NOC2L: variants seen among roughly 807,000 people sequenced by gnomAD.
NOC2L encodes the protein NOC2 like nucleolar associated transcriptional repressor, also known as nucleolar complex protein 2 homolog.
Under a neutral mutation model 94.2 loss-of-function variants are expected in NOC2L, and 101 were observed. The observed-to-expected ratio is 1.07, with a 90% CI of 0.91 to 1.26. NOC2L has a LOEUF of 1.26. NOC2L is among the 50% of genes most tolerant of loss of function. The pLI is 0.00. For synonymous variants in NOC2L, 531 were observed against 413.4 expected (o/e 1.28, Z -3.45); for missense variants, 1,076 against 980.1 (o/e 1.10, Z -1.31).
intron 11 of NOC2L, among the ~76,000 whole-genome samples, 155 bp downstream of exon 11, chr1:951,845 C>T (rs1642267274): frequency 6.6e-6 from 1 of 152,230 alleles, no homozygotes; most frequent in South Asian, 2.1e-4. Context: ...AGCATCTCCC[C>T]GTAGCAGGTA....
chr1:945,312 G>C (rs1557614545), intron 17 of NOC2L, 166 bp from the exon 18 acceptor site: 1 of 1,002,248 alleles, frequency 1.0e-6, no homozygotes, highest in African/African-American at 1.6e-5. Flanking sequence ...CAGGCCTGGG[G>C]ACAGAGTTAC....
Position 956,161 on chromosome 1 carries a change from C to G in NOC2L, c.541G>C (p.Val181Leu), listed in dbSNP as rs1642395933. The change falls in exon 5 of 19, where the codon GTG becomes CTG. Residue 181 changes from valine (V) to leucine (L), a missense_variant. Physicochemically the swap from Val to Leu is conservative, Grantham distance 32 (BLOSUM62 1). Transcript: ENST00000327044. ...TCCTGGTCCCCTCGGGTGGTGGCCA[C>G]AGCTGCTCGGAACGCCTGTACCACT... ...HEVVQAFRAAVATTRGDQESA... is the reference protein window; with the variant it reads ...HEVVQAFRAALATTRGDQESA... The G allele has an allele frequency of 6.2e-7, 1 of 1,613,854 alleles. No homozygotes were observed. Among genetic ancestry groups the G allele is most frequent in the African/African-American group, 1.3e-5 (1 of 74,928 alleles).
Position 946,393 on chromosome 1 carries a change from C to T in NOC2L, c.1803+9G>A, listed in dbSNP as rs778927623. 6.8e-6 allele frequency: 11 copies of T among 1,613,428 alleles called. No individual in the cohort carries two copies. Among genetic ancestry groups the T allele is most frequent in the Non-Finnish European group, 6.8e-6 (8 of 1,180,006 alleles). The stretch of plus-strand genomic sequence containing the variant: ...CCCTCAGGTGGCACTACCCCCAGGG[C>T]CCACTAACCACTGCCTGCTGCTCAG... On this transcript the variant is annotated intron_variant, in intron 15 of 18. Coordinates refer to ENST00000327044, the MANE Select transcript of NOC2L (RefSeq NM_015658.4).
chr1:950,124 G>A (rs537854934), intron 12 of NOC2L, among the ~76,000 whole-genome samples: 1 of 151,978 alleles, frequency 6.6e-6, no homozygotes, highest in African/African-American at 2.4e-5. Flanking sequence ...ACACGTAGAC[G>A]CACGTACATG....
In NOC2L at chr1:959,034, T is replaced by G; in HGVS notation, c.74A>C (p.Asp25Ala). 6.2e-7 allele frequency: 1 copy of G among 1,611,746 alleles called. No individual in the cohort carries two copies. The highest frequency in any genetic ancestry group is 8.5e-7 in the Non-Finnish European group (1 of 1,179,428). Reference protein sequence around the residue: ...TVDEFLASGFDSESESESENS... With the variant: ...TVDEFLASGFASESESESENS... ...TTCGGACTCGGATTCGGACTCGGAGTCAAAGCCCGAAGCTAGGAACTCGTC... is the reference window on the plus strand; with the variant it reads ...TTCGGACTCGGATTCGGACTCGGAGGCAAAGCCCGAAGCTAGGAACTCGTC... Residue 25 changes from aspartate to alanine, a missense_variant, in exon 2 of 19, where the codon GAC becomes GCC. Physicochemically the swap from Asp to Ala is moderately radical, Grantham distance 126 (BLOSUM62 -2). This residue lies in a region of NOC2L where 457 missense variants were observed against 386.0 expected (regional missense o/e 1.18). Transcript: ENST00000327044.
chr1:946,368 C>T (rs147058212), intron 15 of NOC2L, 34 bp downstream of exon 15: 12 of 1,613,270 alleles, frequency 7.4e-6, no homozygotes, highest in Non-Finnish European at 1.0e-5. Flanking sequence ...CTGGCAGGTG[C>T]CCTCAGGTGG....
At position 953,866 on chromosome 1, in the gene NOC2L, C is replaced by T. The variant is rs754350344; in HGVS notation, c.804G>A (p.Thr268=). The T allele has an allele frequency of 2.7e-5, 44 of 1,613,082 alleles. No individual in the cohort carries two copies. The highest frequency in any genetic ancestry group is 6.7e-5 in the African/African-American group (5 of 74,940). Reference sequence around the variant, plus strand: ...TGTGCCGCAGCACGGCCGCCAACACCGTCGTCTCCGACAGACAGGACACCA... The same window carrying T: ...TGTGCCGCAGCACGGCCGCCAACACTGTCGTCTCCGACAGACAGGACACCA... ...IQLVSCLSET[T]VLAAVLRHIS... is the part of the protein sequence containing the mutation. The change falls in exon 8 of 19, where the codon ACG becomes ACA. Residue 268 remains threonine (T), a synonymous_variant. Coordinates refer to ENST00000327044, the MANE Select transcript of NOC2L (RefSeq NM_015658.4).
intron 2 of NOC2L, chr1:957,615 A>G (rs1297058592): frequency 6.9e-6 from 2 of 291,310 alleles, no homozygotes; most frequent in Admixed American, 4.6e-5. Context: ...GGCTCAGACT[A>G]AAGGCAAATC....
chr1:953,954 C>T (rs753197830), intron 7 of NOC2L, 50 bp downstream of exon 7: 46 of 1,604,264 alleles, frequency 2.9e-5, no homozygotes, highest in East Asian at 1.1e-4. Flanking sequence ...AAAAAAGGAC[C>T]GACCACCAGA....
intron 2 of NOC2L, chr1:958,409 C>T (rs2100400278): frequency 1.2e-5 from 4 of 321,140 alleles, no homozygotes; most frequent in South Asian, 1.0e-4. Context: ...CCCACCACGC[C>T]CGGCTAATTT....
chr1:944,764 C>T lies in NOC2L; in HGVS notation c.2180G>A (p.Gly727Glu). The T allele has an allele frequency of 6.3e-7, 1 of 1,599,856 alleles. No homozygotes were observed. The highest frequency in any genetic ancestry group is 8.5e-7 in the Non-Finnish European group (1 of 1,177,756). ...DPDAEAGLAPGELQQLAQGPE... is the reference protein window; with the variant it reads ...DPDAEAGLAPEELQQLAQGPE... ...CCCCTGGGCCAGCTGCTGCAGCTCC[C>T]CAGGGGCCAGCCCCGCCTCTGCGTC... Residue 727 changes from glycine to glutamate, a missense_variant, in exon 19 of 19, where the codon GGG (glycine) becomes GAG (glutamate). Around this residue, in one of 3 missense-constraint regions of NOC2L, gnomAD observed 615 missense variants for 577.4 expected, o/e 1.07. Transcript: ENST00000327044.
chr1:946,404 C>T lies in NOC2L; in HGVS notation c.1801G>A (p.Val601Met), dbSNP rs199697037. Reference protein sequence around the residue: ...VSFGVSEQQAVEAWEKLTREE... With the variant: ...VSFGVSEQQAMEAWEKLTREE... Reference sequence around the variant, plus strand: ...CACTACCCCCAGGGCCCACTAACCACTGCCTGCTGCTCAGAGACGCCGAAG... The same window carrying T: ...CACTACCCCCAGGGCCCACTAACCATTGCCTGCTGCTCAGAGACGCCGAAG... Residue 601 changes from valine (V) to methionine (M), a missense_variant and splice_region_variant, in exon 15 of 19, where the codon GTG becomes ATG. Around this residue, in one of 3 missense-constraint regions of NOC2L, gnomAD observed 615 missense variants for 577.4 expected, o/e 1.07. Transcript: ENST00000327044. 161 of 1,613,578 alleles carry T rather than the reference C, an allele frequency of 1.0e-4. No individual in the cohort carries two copies. The East Asian group carries it at 2.8e-3, about 28-fold the overall frequency.
intron 6 of NOC2L, among the ~76,000 whole-genome samples, chr1:954,882 C>G (rs1642361173): frequency 6.6e-6 from 1 of 152,172 alleles, no homozygotes; most frequent in Non-Finnish European, 1.5e-5. Context: ...AAACATTTAC[C>G]AGAGCCCACG....
At position 946,538 on chromosome 1, in the gene NOC2L, G is replaced by C. The variant is rs35471880; in HGVS notation, c.1667C>G (p.Ser556Trp). The change falls in exon 15 of 19, where the codon TCG becomes TGG. Residue 556 changes from serine (S) to tryptophan (W), a missense_variant. Ser to Trp is a radical substitution (Grantham distance 177, BLOSUM62 -3). This residue lies in a region of NOC2L where 615 missense variants were observed against 577.4 expected (regional missense o/e 1.07). Coordinates refer to ENST00000327044, the MANE Select transcript of NOC2L (RefSeq NM_015658.4). ...GGCCACCTTGCACTCCCGGAGGAAC[G>C]ACTTCAGCTGCGGAAGGGAGGGGTC... ...LVLPVVLQLK[S>W]FLRECKVANY... 6.2e-7 allele frequency: 1 copy of C among 1,611,440 alleles called. No individual in the cohort carries two copies. Among genetic ancestry groups the C allele is most frequent in the South Asian group, 1.1e-5 (1 of 90,994 alleles).
In NOC2L at chr1:959,096, G is replaced by A. The variant is rs778699626; in HGVS notation, c.27-15C>T. 4.3e-5 allele frequency: 70 copies of A among 1,609,502 alleles called. No individual in the cohort carries two copies. Among genetic ancestry groups the A allele is most frequent in the Non-Finnish European group, 5.3e-5 (63 of 1,177,668 alleles). On this transcript the variant is annotated splice_polypyrimidine_tract_variant and intron_variant, in intron 1 of 18. Coordinates refer to ENST00000327044, the MANE Select transcript of NOC2L (RefSeq NM_015658.4). ...CCGCCAGGCGCCTGCGGGTCACGCA[G>A]GAGTCACAGCTGCCCGCACGCCCAG... is the stretch of plus-strand genomic sequence containing the variant.
chr1:949,926 A>C (rs1033155438), intron 12 of NOC2L, among the ~76,000 whole-genome samples: 11 of 152,220 alleles, frequency 7.2e-5, no homozygotes, highest in African/African-American at 2.7e-4. Flanking sequence ...CTGGGCCTTC[A>C]TGAGGCTGAG....
rs374468359 is a variant in NOC2L at position 946,582 on chromosome 1, C to G, written c.1660-37G>C. The G allele has an allele frequency of 1.2e-5, 19 of 1,599,514 alleles. No individual in the cohort carries two copies. In the African/African-American group the frequency reaches 2.4e-4, roughly 20 times the overall value. ...AGGGGTCAGCCACTGAAGCCCAGGA[C>G]CGCTCCATGTGCACAGCTGGCCCAG... On this transcript the variant is annotated intron_variant, in intron 14 of 18. Transcript: ENST00000327044.
At chr1:951,653 C>T (rs1642263687) in intron 11 of NOC2L, among the ~76,000 whole-genome samples, 1 of 152,236 alleles carries the variant, frequency 6.6e-6, no homozygotes, top group African/African-American at 2.4e-5. Flanking sequence ...GCGCTCACAC[C>T]CAAAATGCAG....
intron 8 of NOC2L, 117 bp downstream of exon 8, chr1:953,665 C>T (rs1016076514): frequency 4.4e-5 from 34 of 771,528 alleles, no homozygotes; most frequent in Non-Finnish European, 6.6e-5. Flanking sequence ...TCTAGCCAAG[C>T]GGAGCCAGTG....
Sources: gnomAD v4.1 joint callset for allele counts (sites outside exome capture counted in the v4.1 genomes callset) on GRCh38, gnomAD v4.1.1 for gene constraint, gnomAD v4.1.1 regional missense constraint, MANE v1.5 for transcripts, NCBI Gene and HGNC (gene_info 2026-07-23, HGNC 2026-07-21) for gene names.